Variants in ARHGEF3 observed in about 807,000 individuals in gnomAD.
The protein encoded by ARHGEF3 is Rho guanine nucleotide exchange factor 3.
In ARHGEF3, 28 loss-of-function variants were observed where a neutral mutation model predicts 63.2. The ratio of observed to expected loss-of-function variants is 0.44; its 90% CI spans 0.33 to 0.61. The LOEUF (loss-of-function observed/expected upper bound fraction) is 0.61, where lower values mean the gene tolerates loss of function less well. ARHGEF3 is among the 20% of genes least tolerant of loss of function. The pLI is 0.03. For missense variants in ARHGEF3, 533 were observed against 659.3 expected (o/e 0.81, Z 2.10); for synonymous variants, 266 against 254.2 (o/e 1.05, Z -0.44).
intron 3 of ARHGEF3, among the ~76,000 whole-genome samples, chr3:56,945,136 G>A: frequency 6.6e-6 from 1 of 152,164 alleles, no homozygotes; most frequent in East Asian, 1.9e-4. Context: ...ATTGCCAGGG[G>A]TGGAGCCAAG....
At chr3:57,013,945 A>G (rs771798892) in intron 2 of ARHGEF3, among the ~76,000 whole-genome samples, 9 of 152,268 alleles carry the variant, frequency 5.9e-5, no homozygotes, top group Non-Finnish European at 7.3e-5. Context: ...GTCAATTTCC[A>G]CTCTGGGGAA....
At chr3:56,868,742 G>A (rs1428786241) in intron 4 of ARHGEF3, among the ~76,000 whole-genome samples, 3 of 152,128 alleles carry the variant, frequency 2.0e-5, no homozygotes, top group African/African-American at 4.8e-5. Flanking sequence ...CCAACCAAGA[G>A]TCAGAATTGA....
intron 4 of ARHGEF3, among the ~76,000 whole-genome samples, chr3:56,823,020 A>G (rs1295105093): frequency 6.6e-6 from 1 of 152,128 alleles, no homozygotes; most frequent in African/African-American, 2.4e-5. Flanking sequence ...ATTGTAAACC[A>G]TCAGTCTCTT....
chr3:56,931,638 A>T (rs891150824), intron 3 of ARHGEF3, among the ~76,000 whole-genome samples: 1 of 151,496 alleles, frequency 6.6e-6, no homozygotes, highest in African/African-American at 2.4e-5. Context: ...CCAAATTTGC[A>T]ATCTGTAGTT....
intron 2 of ARHGEF3, chr3:57,007,100 C>A (rs1399128089): frequency 2.6e-6 from 3 of 1,145,516 alleles, no homozygotes; most frequent in Non-Finnish European, 3.4e-6. Flanking sequence ...ATGTGAAACC[C>A]AGCAAGGTGT....
chr3:56,828,832 T>C (rs1281219626), intron 4 of ARHGEF3, among the ~76,000 whole-genome samples: 1 of 152,144 alleles, frequency 6.6e-6, no homozygotes, highest in Non-Finnish European at 1.5e-5. Context: ...TTTTGTTACA[T>C]AGAAAAGTTA....
intron 1 of ARHGEF3, among the ~76,000 whole-genome samples, chr3:57,038,152 C>T (rs926575693): frequency 6.6e-6 from 1 of 152,172 alleles, no homozygotes; most frequent in Non-Finnish European, 1.5e-5. Flanking sequence ...AGACTGGAAC[C>T]CCAGGCATTT....
intron 2 of ARHGEF3, among the ~76,000 whole-genome samples, chr3:57,016,734 G>A (rs1276783241): frequency 2.0e-5 from 3 of 152,082 alleles, no homozygotes; most frequent in Non-Finnish European, 2.9e-5. Flanking sequence ...CCTCTGAGTT[G>A]GTGCACAGTG....
chr3:56,768,744 A>G (rs1444733984), intron 2 of ARHGEF3, among the ~76,000 whole-genome samples: 1 of 152,162 alleles, frequency 6.6e-6, no homozygotes, highest in Non-Finnish European at 1.5e-5. Context: ...AGGAATATTT[A>G]ATCCTAATAA....
At chr3:56,778,131 T>C (rs902226) in intron 1 of ARHGEF3, among the ~76,000 whole-genome samples, 3,199 of 152,264 alleles carry the variant, frequency 0.021, 131 homozygotes, top group East Asian at 0.15. Flanking sequence ...ACTGAGAAAC[T>C]CTAGCATAAA....
intron 2 of ARHGEF3, among the ~76,000 whole-genome samples, chr3:57,019,484 G>C (rs1201392306): frequency 2.0e-5 from 3 of 152,144 alleles, no homozygotes; most frequent in Non-Finnish European, 2.9e-5. Flanking sequence ...AATGGGGGCA[G>C]AGTGCTTGAA....
At chr3:56,950,591 C>T (rs538375145) in intron 3 of ARHGEF3, among the ~76,000 whole-genome samples, 25 of 152,188 alleles carry the variant, frequency 1.6e-4, no homozygotes, top group African/African-American at 5.5e-4. Flanking sequence ...TACCATCTCA[C>T]ACCAGTTAGA....
rs200903835 is a variant in ARHGEF3 at position 56,946,819 on chromosome 3, T to C, written c.129+12004A>G. ...TCGAGAAGAGCAACTCCAAGACACATAATTGTAAGATTCACCAAAGTTGAA... is the reference window on the plus strand; with the variant it reads ...TCGAGAAGAGCAACTCCAAGACACACAATTGTAAGATTCACCAAAGTTGAA... On this transcript the variant is annotated intron_variant, in intron 3 of 12. Transcript: ENST00000338458. 1.1e-4 allele frequency among the ~76,000 whole-genome samples: 17 copies of C among 152,008 alleles called. No individual in the cohort carries two copies. The East Asian group carries it at 3.3e-3, about 29-fold the overall frequency.
At chr3:56,993,227 C>T (rs561817820) in intron 2 of ARHGEF3, among the ~76,000 whole-genome samples, 2 of 152,200 alleles carry the variant, frequency 1.3e-5, no homozygotes, top group African/African-American at 4.8e-5. Context: ...CCTGATTTTG[C>T]CTGTCTAAAT....
chr3:56,766,514 C>T (rs944919297), intron 2 of ARHGEF3, among the ~76,000 whole-genome samples: 4 of 152,172 alleles, frequency 2.6e-5, no homozygotes, highest in Non-Finnish European at 5.9e-5. Flanking sequence ...CAATGGCTGC[C>T]TTTTCTAGTC....
At chr3:56,893,048 G>A (rs546067985) in intron 3 of ARHGEF3, among the ~76,000 whole-genome samples, 7 of 152,284 alleles carry the variant, frequency 4.6e-5, no homozygotes, top group Non-Finnish European at 1.0e-4. Context: ...ATAAACAAAA[G>A]GTTCCCTTGT....
intron 4 of ARHGEF3, among the ~76,000 whole-genome samples, chr3:56,813,980 C>T (rs867480560): frequency 1.6e-4 from 24 of 152,182 alleles, no homozygotes; most frequent in Non-Finnish European, 3.1e-4. Context: ...CAGCTGGAAG[C>T]AGGAATAATT....
chr3:56,727,902 A>C lies in ARHGEF3; in HGVS notation c.*1368T>G, dbSNP rs1037139485. On this transcript the variant is annotated 3_prime_UTR_variant, in exon 10 of 10. Transcript: ENST00000296315. ...GTACATAATAAAATGACATCAATGCATTTACTGCTTTCTTTTCTGTAAACT... is the reference window on the plus strand; with the variant it reads ...GTACATAATAAAATGACATCAATGCCTTTACTGCTTTCTTTTCTGTAAACT... 5.2e-5 allele frequency: 8 copies of C among 152,746 alleles called. No homozygotes were observed. In the South Asian group the frequency reaches 1.0e-3, roughly 20 times the overall value. The allele number at this position is 152,746 out of a possible 1,614,324, so 9.5% of individuals were successfully genotyped here.
chr3:56,882,464 C>T, intron 3 of ARHGEF3: 1 of 854,096 alleles, frequency 1.2e-6, no homozygotes, highest in South Asian at 1.5e-5. Context: ...TCATTTCTAC[C>T]ATGGTACCCA....
Sources: allele counts gnomAD v4.1 joint callset (sites outside exome capture counted in the v4.1 genomes callset), GRCh38; gene constraint gnomAD v4.1.1; transcripts MANE v1.5; gene names NCBI Gene and HGNC (gene_info 2026-07-23, HGNC 2026-07-21).